TENM2: variants seen among roughly 807,000 people sequenced by gnomAD.
The protein encoded by TENM2 is teneurin-2.
Under a neutral mutation model 245.2 loss-of-function variants are expected in TENM2, and 52 were observed. The observed-to-expected ratio is 0.21, with a 90% CI of 0.17 to 0.27. The LOEUF is 0.27. Ranked by LOEUF, TENM2 falls within the 10% of genes least tolerant of loss-of-function variation. The pLI is 1.00. For synonymous variants in TENM2, 1,363 were observed against 1,438.9 expected (o/e 0.95, Z 1.19); for missense variants, 3,046 against 3,666.8 (o/e 0.83, Z 4.37).
chr5:168,000,285 G>A (rs913706256), intron 5 of TENM2, among the ~76,000 whole-genome samples: 1 of 152,198 alleles, frequency 6.6e-6, no homozygotes, highest in Non-Finnish European at 1.5e-5. Context: ...ACTTCTAATG[G>A]ACTGTAAATT....
At chr5:167,839,007 G>A (rs1162673600) in intron 2 of TENM2, among the ~76,000 whole-genome samples, 2 of 152,160 alleles carry the variant, frequency 1.3e-5, no homozygotes, top group Non-Finnish European at 2.9e-5. Flanking sequence ...AATAGGAATA[G>A]GGAAATGGGT....
chr5:167,390,080 A>C (rs906012021), intron 2 of TENM2, among the ~76,000 whole-genome samples: 2 of 152,210 alleles, frequency 1.3e-5, no homozygotes, highest in African/African-American at 4.8e-5. Context: ...ATGCTTAAAA[A>C]GTGTTCACTT....
chr5:167,604,487 C>T (rs569747136), intron 2 of TENM2, among the ~76,000 whole-genome samples: 10 of 152,056 alleles, frequency 6.6e-5, no homozygotes, highest in Non-Finnish European at 1.5e-4. Context: ...GCTTAATCAC[C>T]GTTAATCTTT....
chr5:167,293,204 T>C lies in TENM2; in HGVS notation c.226+8141T>C, dbSNP rs190502170. Among the ~76,000 whole-genome samples, 400 of 151,876 alleles carry C rather than the reference T, an allele frequency of 2.6e-3. 2 individuals are homozygous for C. The highest frequency in any genetic ancestry group is 9.2e-3 in the African/African-American group (383 of 41,416). ...ATAAAAAGAGTGTTGGCTTTTTTGT[T>C]TGTTTGTTTGTTTTAAGGCAGAGCT... On this transcript the variant is annotated intron_variant, in intron 1 of 28. Coordinates refer to ENST00000518659, the Ensembl canonical transcript of TENM2.
chr5:168,262,337 A>G (rs756590206), exon 29 of TENM2: 1 of 1,609,184 alleles, frequency 6.2e-7, no homozygotes, highest in Non-Finnish European at 8.5e-7. Context: ...GGGCAAGGAC[A>G]CCCACTACTT....
chr5:167,312,066 A>T (rs1756064390), intron 1 of TENM2, among the ~76,000 whole-genome samples: 1 of 152,212 alleles, frequency 6.6e-6, no homozygotes, highest in South Asian at 2.1e-4. Context: ...TGTAAGCATA[A>T]TCACAGGCTT....
At chr5:167,254,547 C>A in the TENM2 span, among the ~76,000 whole-genome samples, 2 of 152,082 alleles carry the variant, frequency 1.3e-5, no homozygotes, top group Admixed American at 1.3e-4. Context: ...TTGTAGTCTG[C>A]AAGTATTTAT....
chr5:167,407,163 C>A (rs924321422), intron 2 of TENM2, among the ~76,000 whole-genome samples: 4 of 152,068 alleles, frequency 2.6e-5, no homozygotes, highest in Non-Finnish European at 1.5e-5. Context: ...TCTCCAGTAT[C>A]ATTGTCATTG....
intron 2 of TENM2, among the ~76,000 whole-genome samples, chr5:167,515,420 T>C (rs1044109237): frequency 1.3e-5 from 2 of 151,762 alleles, no homozygotes; most frequent in African/African-American, 2.4e-5. Context: ...CCAGAGTTTG[T>C]ATAATTTTTA....
At chr5:167,763,017 C>T (rs553274255) in intron 2 of TENM2, among the ~76,000 whole-genome samples, 1 of 152,276 alleles carries the variant, frequency 6.6e-6, no homozygotes, top group African/African-American at 2.4e-5. Flanking sequence ...CCAGTTCACA[C>T]TTTCTCTTTG....
chr5:167,778,026 GGACA>G (rs1299249806), intron 2 of TENM2, among the ~76,000 whole-genome samples: 2 of 152,150 alleles, frequency 1.3e-5, no homozygotes, highest in Non-Finnish European at 2.9e-5. Context: ...CTGCCACAGT[GGACA>G]GAGTTGAGTA....
At chr5:167,877,457 A>C (rs531549032) in intron 3 of TENM2, among the ~76,000 whole-genome samples, 1 of 152,352 alleles carries the variant, frequency 6.6e-6, no homozygotes, top group African/African-American at 2.4e-5. Flanking sequence ...GATATTATGA[A>C]GGCCTTTAAT....
chr5:167,667,810 C>A (rs1355913379), intron 2 of TENM2, among the ~76,000 whole-genome samples: 2 of 152,122 alleles, frequency 1.3e-5, no homozygotes, highest in Admixed American at 1.3e-4. Flanking sequence ...GATGTGCCAC[C>A]TTCTATTGAA....
chr5:168,222,542 T>C (rs753189144), intron 23 of TENM2, among the ~76,000 whole-genome samples: 1 of 152,160 alleles, frequency 6.6e-6, no homozygotes, highest in South Asian at 2.1e-4. Context: ...TGGGCCCCTT[T>C]AAAAGTTGCC....
At chr5:167,176,222 C>T in the TENM2 span, among the ~76,000 whole-genome samples, 1 of 152,272 alleles carries the variant, frequency 6.6e-6, no homozygotes, top group East Asian at 1.9e-4. Context: ...TCACCCAACC[C>T]AGTTATTTCT....
rs998857941 is a variant in TENM2, at chr5:167,999,893, A to G, written c.1186+6711A>G. Among the ~76,000 whole-genome samples, 4 of 152,168 alleles carry G rather than the reference A, an allele frequency of 2.6e-5. No individual in the cohort carries two copies. The East Asian group carries it at 7.7e-4, about 29-fold the overall frequency. On this transcript the variant is annotated intron_variant, in intron 5 of 28. Coordinates refer to ENST00000518659, the Ensembl canonical transcript of TENM2. ...AGTGATAGGTGCCACAACCCTGTGC[A>G]CCTCAAGAATGCCAAGGAAACAACA...
At chr5:168,052,322 C>T (rs1789169798) in intron 6 of TENM2, among the ~76,000 whole-genome samples, 1 of 151,400 alleles carries the variant, frequency 6.6e-6, no homozygotes, top group African/African-American at 2.4e-5. Context: ...ACCCAGGAGG[C>T]GGAGCTTGCA....
chr5:168,194,954 C>T (rs896408765), intron 14 of TENM2, among the ~76,000 whole-genome samples: 6 of 152,130 alleles, frequency 3.9e-5, no homozygotes, highest in African/African-American at 1.2e-4. Context: ...GAGTGGAAGG[C>T]GGGTGCCCAG....
chr5:167,772,457 C>A (rs2150773687), intron 2 of TENM2, among the ~76,000 whole-genome samples: 1 of 152,202 alleles, frequency 6.6e-6, no homozygotes, highest in Non-Finnish European at 1.5e-5. Context: ...GCATGGCTCT[C>A]TATTCATTGT....
Sources: gnomAD v4.1 joint callset for allele counts (sites outside exome capture counted in the v4.1 genomes callset) on GRCh38, gnomAD v4.1.1 for gene constraint, MANE v1.5 for transcripts, NCBI Gene and HGNC (gene_info 2026-07-23, HGNC 2026-07-21) for gene names.